ARHGEF10L: variants seen among roughly 807,000 people sequenced by gnomAD.
The protein encoded by ARHGEF10L is rho guanine nucleotide exchange factor 10-like protein.
A neutral mutation model predicts 141.2 loss-of-function variants in ARHGEF10L; 69 were observed. That is an observed-to-expected ratio of 0.49 (90% confidence interval 0.40 to 0.60). ARHGEF10L has a LOEUF of 0.60. Among genes scored for constraint, ARHGEF10L ranks in the 20% least tolerant of loss-of-function variants. The pLI, the probability that ARHGEF10L is intolerant of heterozygous loss-of-function variation, is 0.00. For synonymous variants in ARHGEF10L, 711 were observed against 718.5 expected, an observed-to-expected ratio of 0.99 and a Z score of 0.17; for missense variants, 1,482 against 1,734.3, an observed-to-expected ratio of 0.85 and a Z score of 2.58.
intron 1 of ARHGEF10L, among the ~76,000 whole-genome samples, chr1:17,551,495 G>A (rs1247992572): frequency 1.3e-5 from 2 of 152,186 alleles, no homozygotes; most frequent in Non-Finnish European, 2.9e-5. Context: ...GGAGGGTGCT[G>A]CTCAGGAGCT....
chr1:17,651,577 A>G (rs2061938267), intron 22 of ARHGEF10L, among the ~76,000 whole-genome samples: 1 of 152,150 alleles, frequency 6.6e-6, no homozygotes, highest in South Asian at 2.1e-4. Flanking sequence ...AGAACTGGCC[A>G]CTGCCTCCAA....
intron 1 of ARHGEF10L, among the ~76,000 whole-genome samples, chr1:17,548,646 CTTTTTTTTTTTTTT>C (rs892480738): frequency 1.1e-5 from 1 of 88,324 alleles, no homozygotes; most frequent in Non-Finnish European, 2.1e-5. Context: ...CAAAATAATT[CTTTTTTTTTTTTTT>C]TTTTTTTTTT....
chr1:17,652,666 A>C (rs914221874), intron 22 of ARHGEF10L, among the ~76,000 whole-genome samples: 44 of 152,096 alleles, frequency 2.9e-4, no homozygotes, highest in African/African-American at 1.1e-3. Flanking sequence ...GCTCCATCCA[A>C]GGGGGAATGC....
intron 26 of ARHGEF10L, among the ~76,000 whole-genome samples, chr1:17,671,185 G>A (rs1409493448): frequency 2.6e-5 from 4 of 152,254 alleles, no homozygotes; most frequent in Admixed American, 1.3e-4. Flanking sequence ...CGGCGGAGCC[G>A]CCTGTGCAGG....
Position 17,683,256 on chromosome 1 carries a change from C to T in ARHGEF10L, c.3010-4317C>T, listed in dbSNP as rs1432835048. Among the ~76,000 whole-genome samples the T allele has an allele frequency of 8.8e-4, 94 of 107,368 alleles. 1 individual carries two copies. The highest frequency in any genetic ancestry group is 2.5e-3 in the African/African-American group (70 of 28,040). The allele number at this position is 107,368 out of a possible 152,430, so 70.4% of individuals were successfully genotyped here. A position where few individuals can be genotyped will look rare whatever the true frequency, so the allele number is the denominator to read the frequency against. ...GTGCTCACTGCCCCCTGCTCTCACC[C>T]GGGTGCTCACTGCCCCCTGCTCTCA... On this transcript the variant is annotated intron_variant, in intron 26 of 28. Coordinates refer to ENST00000361221, the MANE Select transcript of ARHGEF10L (RefSeq NM_018125.4).
chr1:17,592,359 G>A (rs2079621538), intron 4 of ARHGEF10L, among the ~76,000 whole-genome samples: 1 of 152,202 alleles, frequency 6.6e-6, no homozygotes, highest in Non-Finnish European at 1.5e-5. Context: ...ATTCTCATGG[G>A]CTCCCTGAAG....
intron 2 of ARHGEF10L, among the ~76,000 whole-genome samples, chr1:17,583,104 CTGAAGT>C (rs1354670223): frequency 1.4e-5 from 2 of 147,012 alleles, no homozygotes; most frequent in African/African-American, 5.1e-5. Context: ...ACCTGGGAGT[CTGAAGT>C]AGGAGGATCA....
At chr1:17,591,480 C>T (rs957845431) in intron 4 of ARHGEF10L, among the ~76,000 whole-genome samples, 5 of 150,182 alleles carry the variant, frequency 3.3e-5, no homozygotes, top group Admixed American at 6.6e-5. Flanking sequence ...GGCGCCATCT[C>T]GGCTCACTGC....
chr1:17,518,942 G>T, the ARHGEF10L span, among the ~76,000 whole-genome samples: 7 of 151,350 alleles, frequency 4.6e-5, no homozygotes, highest in African/African-American at 1.5e-4. Context: ...GGCCGAGGTG[G>T]GTGGATCACC....
At position 17,696,871 on chromosome 1, in the gene ARHGEF10L, G is replaced by A. The variant is rs770589299; in HGVS notation, c.3331G>A (p.Gly1111Arg). 4 of 1,576,718 alleles carry A rather than the reference G, an allele frequency of 2.5e-6. No homozygotes were observed. Among genetic ancestry groups the A allele is most frequent in the Non-Finnish European group, 2.6e-6 (3 of 1,160,024 alleles). The stretch of plus-strand genomic sequence containing the variant: ...AGGGAAAGGCATGGTCTCACTCAAC[G>A]GGCACTGTGGGCCTGTGGCCTTCCT... ...ITGKGMVSLN[G>R]HCGPVAFLAV... The change falls in exon 29 of 29, where the codon GGG (glycine) becomes AGG (arginine). Residue 1111 changes from glycine (G) to arginine (R), a missense_variant. Around this residue, in one of 3 missense-constraint regions of ARHGEF10L, gnomAD observed 858 missense variants for 966.3 expected, o/e 0.89. Transcript: ENST00000361221.
At position 17,642,557 on chromosome 1, in the gene ARHGEF10L, G is replaced by T. The variant is rs181156312; in HGVS notation, c.2272+2255G>T. Among the ~76,000 whole-genome samples, 129 of 152,270 alleles carry T rather than the reference G, an allele frequency of 8.5e-4. 1 individual carries two copies. Among genetic ancestry groups the T allele is most frequent in the Admixed American group, 1.4e-3 (21 of 15,304 alleles). On this transcript the variant is annotated intron_variant, in intron 21 of 28. Transcript: ENST00000361221. ...TGGGGAGAGGGCATGGGAGGGGCAGGTGTGGAGGTGGGAGCAGGAATGGGG... is the reference window on the plus strand; with the variant it reads ...TGGGGAGAGGGCATGGGAGGGGCAGTTGTGGAGGTGGGAGCAGGAATGGGG...
chr1:17,553,633 A>G (rs192561056), intron 1 of ARHGEF10L, among the ~76,000 whole-genome samples: 13 of 151,982 alleles, frequency 8.6e-5, no homozygotes, highest in African/African-American at 3.1e-4. Context: ...AAGCCAAAAA[A>G]CAAAAATTAG....
At chr1:17,609,495 T>C (rs2059430516) in intron 7 of ARHGEF10L, among the ~76,000 whole-genome samples, 1 of 152,220 alleles carries the variant, frequency 6.6e-6, no homozygotes, top group African/African-American at 2.4e-5. Flanking sequence ...TAATCTGTGC[T>C]CAGTGAACCT....
chr1:17,623,683 G>T lies in ARHGEF10L; in HGVS notation c.1200+508G>T, dbSNP rs1188137296. On this transcript the variant is annotated intron_variant, in intron 12 of 28. Transcript: ENST00000361221. The surrounding 1 kb of genome is among the most constrained non-coding windows in gnomAD (Gnocchi z 4.7). ...CACTCTGAGCCCAGGCTTGCCATCT[G>T]TGGAATGAGGGGTGCACTGGATTTC... Among the ~76,000 whole-genome samples, 1 of 152,336 alleles carries T rather than the reference G, an allele frequency of 6.6e-6. No homozygotes were observed. Among genetic ancestry groups the T allele is most frequent in the African/African-American group, 2.4e-5 (1 of 41,578 alleles).
In ARHGEF10L at chr1:17,689,418, G is replaced by C. The variant is rs983233511; in HGVS notation, c.3184+1671G>C. Among the ~76,000 whole-genome samples the C allele has an allele frequency of 3.8e-5, 4 of 104,954 alleles. 1 individual carries two copies. The highest frequency in any genetic ancestry group is 7.8e-5 in the Non-Finnish European group (4 of 51,204). 68.9% of individuals were successfully genotyped at this position (104,954 alleles called of 152,430 possible). A position where few individuals can be genotyped will look rare whatever the true frequency, so the allele number is the denominator to read the frequency against. ...CACGTTCTCCTGGGGTGTGTGAGAG[G>C]CTTGATGGGACCTGTGTTTGGGTTG... On this transcript the variant is annotated intron_variant, in intron 27 of 28. Transcript: ENST00000361221.
Position 17,679,256 on chromosome 1 carries a change from G to C in ARHGEF10L, c.3010-8317G>C, listed in dbSNP as rs189112894. Among the ~76,000 whole-genome samples, 66 of 152,336 alleles carry C rather than the reference G, an allele frequency of 4.3e-4. 2 individuals carry two copies. The East Asian group carries it at 0.011, about 25-fold the overall frequency. On this transcript the variant is annotated intron_variant, in intron 26 of 28. Coordinates refer to ENST00000361221, the MANE Select transcript of ARHGEF10L (RefSeq NM_018125.4). ...TGGTCGTTGCACCCGGAGCCTCCCT[G>C]AGAAATGCGTCAGGCAGGGCAGATC...
chr1:17,693,207 G>A (rs537742368), intron 27 of ARHGEF10L, among the ~76,000 whole-genome samples: 8 of 152,302 alleles, frequency 5.3e-5, no homozygotes, highest in East Asian at 3.9e-4. Flanking sequence ...TCCAGTGCTC[G>A]GAAGCCACAT....
At chr1:17,588,341 C>A in intron 3 of ARHGEF10L, 105 bp from the exon 4 acceptor site, 1 of 1,317,246 alleles carries the variant, frequency 7.6e-7, no homozygotes, top group Non-Finnish European at 1.1e-6. Context: ...TGGCCAGGCC[C>A]TGTCTGCGGC....
chr1:17,601,853 C>T (rs967344061), intron 4 of ARHGEF10L, among the ~76,000 whole-genome samples: 7 of 152,144 alleles, frequency 4.6e-5, no homozygotes, highest in African/African-American at 1.2e-4. Flanking sequence ...TAGGGAGAGA[C>T]GAGACAGCCC....
Sources: gnomAD v4.1 joint callset for allele counts (sites outside exome capture counted in the v4.1 genomes callset) on GRCh38, gnomAD v4.1.1 for gene constraint, gnomAD v4.1.1 regional missense constraint, Gnocchi (gnomAD v3.1) non-coding constraint, MANE v1.5 for transcripts, NCBI Gene and HGNC (gene_info 2026-07-23, HGNC 2026-07-21) for gene names.